Variants in TSHZ3 observed in about 807,000 individuals in gnomAD.
TSHZ3 encodes teashirt homolog 3.
A neutral mutation model predicts 64.5 loss-of-function variants in TSHZ3; 10 were observed. The ratio of observed to expected loss-of-function variants is 0.16; its 90% CI spans 0.10 to 0.26. The LOEUF (loss-of-function observed/expected upper bound fraction) is 0.26, where lower values mean the gene tolerates loss of function less well. Among genes scored for constraint, TSHZ3 ranks in the 10% least tolerant of loss-of-function variants. The probability of loss-of-function intolerance (pLI) is 1.00; values close to 1 mark genes in which losing one functional copy is unlikely to be tolerated. For synonymous variants in TSHZ3, 608 were observed against 593.1 expected (o/e 1.03, Z -0.36); for missense variants, 1,242 against 1,421.7 (o/e 0.87, Z 2.03).
chr19:31,210,287 C>G (rs1350875054), intron 4 of TSHZ3, among the ~76,000 whole-genome samples: 1 of 152,150 alleles, frequency 6.6e-6, no homozygotes, highest in Non-Finnish European at 1.5e-5. Flanking sequence ...TCACCAATGA[C>G]ATAGGCTCAA....
intron 6 of TSHZ3, among the ~76,000 whole-genome samples, chr19:31,153,415 T>C (rs1206927511): frequency 2.0e-5 from 3 of 152,204 alleles, no homozygotes; most frequent in African/African-American, 7.2e-5. Context: ...GGAAGGACAG[T>C]CATTTAAGCT....
intron 5 of TSHZ3, among the ~76,000 whole-genome samples, chr19:31,188,510 G>GT (rs981519451): frequency 6.6e-6 from 1 of 151,790 alleles, no homozygotes; most frequent in Non-Finnish European, 1.5e-5. Flanking sequence ...TCACAAAAAA[G>GT]TTTTTTTATG....
intron 3 of TSHZ3, among the ~76,000 whole-genome samples, chr19:31,231,279 C>T (rs1168657503): frequency 6.6e-6 from 1 of 151,952 alleles, no homozygotes; most frequent in Non-Finnish European, 1.5e-5. Flanking sequence ...TGTGATTCTC[C>T]CACACTTTCA....
chr19:31,260,299 T>C (rs180845777), intron 1 of TSHZ3, among the ~76,000 whole-genome samples: 1 of 152,332 alleles, frequency 6.6e-6, no homozygotes, highest in East Asian at 1.9e-4. Flanking sequence ...CTCGTCTATG[T>C]CTGGTCATCT....
chr19:31,242,365 A>AGAACCAGAG (rs2145184739), exon 3 of TSHZ3, among the ~76,000 whole-genome samples: 1 of 152,352 alleles, frequency 6.6e-6, no homozygotes, highest in African/African-American at 2.4e-5. Context: ...CAAAAGCCTC[A>AGAACCAGAG]GAACCAGAGA....
intron 1 of TSHZ3, among the ~76,000 whole-genome samples, chr19:31,304,224 C>T (rs997098340): frequency 1.3e-5 from 2 of 152,198 alleles, no homozygotes; most frequent in East Asian, 3.9e-4. Context: ...CTGCCTGCCT[C>T]GGCCTCCCAA....
At chr19:31,220,314 C>T (rs1348029644) in intron 4 of TSHZ3, among the ~76,000 whole-genome samples, 1 of 152,164 alleles carries the variant, frequency 6.6e-6, no homozygotes, top group African/African-American at 2.4e-5. Flanking sequence ...AGATTGAAAT[C>T]CAGTTATCTG....
chr19:31,237,421 G>T (rs1351492746), intron 3 of TSHZ3, among the ~76,000 whole-genome samples: 1 of 151,894 alleles, frequency 6.6e-6, no homozygotes, highest in Non-Finnish European at 1.5e-5. Context: ...TTCTAAATAT[G>T]TATTAACATT....
chr19:31,191,509 A>C (rs1337429816), intron 5 of TSHZ3, among the ~76,000 whole-genome samples: 1 of 152,180 alleles, frequency 6.6e-6, no homozygotes, highest in East Asian at 1.9e-4. Context: ...CCCCCAAAGT[A>C]ATTGGCTGAA....
intron 4 of TSHZ3, among the ~76,000 whole-genome samples, chr19:31,223,275 T>A (rs73927315): frequency 0.017 from 2,640 of 152,252 alleles, 75 homozygotes; most frequent in African/African-American, 0.059. Context: ...TATCTGACAC[T>A]GTAGAGCCCT....
Position 31,294,179 on chromosome 19 carries a change from T to C in TSHZ3, c.41-14427A>G, listed in dbSNP as rs891863603. On this transcript the variant is annotated intron_variant, in intron 1 of 1. Coordinates refer to ENST00000240587, the MANE Select transcript of TSHZ3 (RefSeq NM_020856.4). ...CTGAGCACCTGCATGGTAGCCACCA[T>C]GACTAAGTGACCTTCTTAAGGTCTG... 2.0e-5 allele frequency among the ~76,000 whole-genome samples: 3 copies of C among 152,186 alleles called. No individual in the cohort carries two copies. In the East Asian group the frequency reaches 5.8e-4, roughly 29 times the overall value.
At chr19:31,307,706 C>T (rs16965438) in intron 1 of TSHZ3, among the ~76,000 whole-genome samples, 4,978 of 152,274 alleles carry the variant, frequency 0.033, 305 homozygotes, top group African/African-American at 0.12. Context: ...TTAGCACTGA[C>T]GCTTGGCTGA....
At chr19:31,264,283 G>C (rs1047439769) in intron 1 of TSHZ3, among the ~76,000 whole-genome samples, 2 of 152,160 alleles carry the variant, frequency 1.3e-5, no homozygotes, top group Admixed American at 1.3e-4. Flanking sequence ...TCCTGGGGTG[G>C]GGCCACTCAA....
At chr19:31,350,788 G>C (rs1215996112), upstream of TSHZ3, among the ~76,000 whole-genome samples, 1 of 148,254 alleles carries the variant, frequency 6.7e-6, no homozygotes, top group Non-Finnish European at 1.5e-5. Context: ...CGGCTGAGCG[G>C]GAGCCGGAGC....
intron 1 of TSHZ3, among the ~76,000 whole-genome samples, chr19:31,328,897 T>G (rs1026348154): frequency 6.6e-6 from 1 of 152,204 alleles, no homozygotes; most frequent in African/African-American, 2.4e-5. Flanking sequence ...TATCTGCATA[T>G]CCTTTCAAAC....
chr19:31,330,012 C>G (rs527878733), intron 1 of TSHZ3, among the ~76,000 whole-genome samples: 2 of 152,242 alleles, frequency 1.3e-5, no homozygotes, highest in South Asian at 4.1e-4. Flanking sequence ...CTGGTTTCCT[C>G]AAGCTCCAGC....
At chr19:31,292,242 G>A (rs964964949) in intron 1 of TSHZ3, among the ~76,000 whole-genome samples, 1 of 152,206 alleles carries the variant, frequency 6.6e-6, no homozygotes, top group African/African-American at 2.4e-5. Flanking sequence ...AGGGGCAGGG[G>A]ATGTGCTTGA....
intron 5 of TSHZ3, among the ~76,000 whole-genome samples, chr19:31,164,207 C>T (rs1974411405): frequency 6.6e-6 from 1 of 152,126 alleles, no homozygotes; most frequent in African/African-American, 2.4e-5. Context: ...TGTTTTAGAG[C>T]TTCTCAGGCC....
chr19:31,325,259 G>A (rs1916900933), intron 1 of TSHZ3, among the ~76,000 whole-genome samples: 1 of 152,148 alleles, frequency 6.6e-6, no homozygotes, highest in Admixed American at 6.5e-5. Flanking sequence ...GTCGGGACCG[G>A]CCAGGGAATG....
Sources: allele counts gnomAD v4.1 joint callset (sites outside exome capture counted in the v4.1 genomes callset), GRCh38; gene constraint gnomAD v4.1.1; transcripts MANE v1.5; gene names NCBI Gene and HGNC (gene_info 2026-07-23, HGNC 2026-07-21).